Variants in ITGB8 observed in about 807,000 individuals in gnomAD.
The protein encoded by ITGB8 is integrin beta-8.
In ITGB8, 30 loss-of-function variants were observed where a neutral mutation model predicts 89.5. The ratio of observed to expected loss-of-function variants is 0.34; its 90% CI spans 0.25 to 0.45. The LOEUF (loss-of-function observed/expected upper bound fraction) is 0.45. Ranked by LOEUF, ITGB8 falls within the 20% of genes least tolerant of loss-of-function variation. The pLI, the probability that ITGB8 is intolerant of heterozygous loss-of-function variation, is 1.00. For synonymous variants in ITGB8, 335 were observed against 320.4 expected, an observed-to-expected ratio of 1.05 and a Z score of -0.49; for missense variants, 836 against 933.3, an observed-to-expected ratio of 0.90 and a Z score of 1.36.
intron 1 of ITGB8, among the ~76,000 whole-genome samples, chr7:20,339,604 AT>A (rs758041436): frequency 6.6e-6 from 1 of 152,254 alleles, no homozygotes; most frequent in African/African-American, 2.4e-5. Flanking sequence ...CTTAACTAAT[AT>A]TAGTTTAGGA....
chr7:20,350,268 C>G (rs1012181997), intron 1 of ITGB8, among the ~76,000 whole-genome samples: 44 of 152,152 alleles, frequency 2.9e-4, no homozygotes, highest in African/African-American at 9.7e-4. Flanking sequence ...CTGCCTCAGC[C>G]TCCTGAGTAG....
intron 1 of ITGB8, among the ~76,000 whole-genome samples, chr7:20,360,051 C>T (rs1785440816): frequency 6.6e-6 from 1 of 152,100 alleles, no homozygotes; most frequent in Non-Finnish European, 1.5e-5. Context: ...AGCCCTGGAA[C>T]CTGGGAAGTA....
intron 3 of ITGB8, among the ~76,000 whole-genome samples, chr7:20,368,556 C>A (rs1220911806): frequency 6.6e-6 from 1 of 152,106 alleles, no homozygotes; most frequent in East Asian, 1.9e-4. Flanking sequence ...TGTCTCCATA[C>A]AAATATGCCT....
intron 9 of ITGB8, among the ~76,000 whole-genome samples, chr7:20,400,903 T>C (rs550135537): frequency 3.9e-5 from 6 of 152,328 alleles, no homozygotes; most frequent in African/African-American, 1.4e-4. Flanking sequence ...GAAACTTTAC[T>C]TGGGCTCCTA....
Position 20,404,859 on chromosome 7 carries a change from ATTTC to A in ITGB8, c.1913+10_1913+13del, listed in dbSNP as rs778892814. ...ACAGCCTGCAAGGAAAACTGGTATG[ATTTC>A]TTTGACTCCAAACATACACAAAGAA... is the stretch of plus-strand genomic sequence containing the variant. On this transcript the variant is annotated splice_region_variant and intron_variant, in intron 11 of 13. Transcript: ENST00000222573. 1.9e-6 allele frequency: 3 copies of A among 1,611,854 alleles called. No individual in the cohort carries two copies. Among genetic ancestry groups the A allele is most frequent in the Non-Finnish European group, 2.5e-6 (3 of 1,178,026 alleles).
At chr7:20,374,172 G>C (rs1443395686) in intron 3 of ITGB8, among the ~76,000 whole-genome samples, 1 of 152,198 alleles carries the variant, frequency 6.6e-6, no homozygotes, top group African/African-American at 2.4e-5. Context: ...TCCTCTTAGA[G>C]AAACTCTGTG....
At chr7:20,401,577 A>T in intron 9 of ITGB8, 144 bp from the exon 10 acceptor site, 1 of 526,086 alleles carries the variant, frequency 1.9e-6, no homozygotes, top group Non-Finnish European at 3.2e-6. Flanking sequence ...CATATATATG[A>T]AAGAGATTAC....
chr7:20,372,708 G>A (rs577020527), intron 3 of ITGB8, among the ~76,000 whole-genome samples: 1 of 152,266 alleles, frequency 6.6e-6, no homozygotes, highest in South Asian at 2.1e-4. Flanking sequence ...TGTGGAGCTT[G>A]ATTTTATTAA....
chr7:20,374,756 T>C (rs894987691), intron 3 of ITGB8, among the ~76,000 whole-genome samples: 1 of 152,224 alleles, frequency 6.6e-6, no homozygotes, highest in Non-Finnish European at 1.5e-5. Context: ...AGCAGATTTG[T>C]CTTGCTAGAG....
chr7:20,397,727 TAAATAATATTTACTTTGAGA>T (rs1364987743), intron 8 of ITGB8, among the ~76,000 whole-genome samples: 4 of 152,236 alleles, frequency 2.6e-5, no homozygotes, highest in African/African-American at 9.6e-5. Context: ...TTACCTACTG[TAAATAATATTTACTTTGAGA>T]AATTAGAGGA....
intron 8 of ITGB8, among the ~76,000 whole-genome samples, 193 bp downstream of exon 8, chr7:20,395,178 T>G (rs1189809813): frequency 6.6e-6 from 1 of 152,244 alleles, no homozygotes; most frequent in Non-Finnish European, 1.5e-5. Flanking sequence ...TTCTGCTTTC[T>G]GTGCCTCACT....
intron 1 of ITGB8, among the ~76,000 whole-genome samples, chr7:20,358,050 C>T (rs1422811793): frequency 1.3e-5 from 2 of 152,138 alleles, no homozygotes; most frequent in Non-Finnish European, 2.9e-5. Flanking sequence ...ACTGCAACCT[C>T]CGCCTCCCGA....
chr7:20,360,915 C>CTTTTTT (rs1167974755), intron 1 of ITGB8, among the ~76,000 whole-genome samples: 2 of 80,886 alleles, frequency 2.5e-5, no homozygotes, highest in African/African-American at 4.2e-5. Context: ...CAACTGCAGT[C>CTTTTTT]TTTTTTTTTT....
chr7:20,332,928 T>C (rs2128123578), intron 1 of ITGB8, among the ~76,000 whole-genome samples: 1 of 151,336 alleles, frequency 6.6e-6, no homozygotes, highest in Non-Finnish European at 1.5e-5. Context: ...ATACTTTCTT[T>C]TTTTTTTTTT....
Position 20,414,956 on chromosome 7 carries a change from C to T in ITGB8, c.*4959C>T, listed in dbSNP as rs1787881922. The T allele has an allele frequency of 6.6e-6, 1 of 150,704 alleles. No individual in the cohort carries two copies. The allele number at this position is 150,704 out of a possible 1,614,324, so 9.3% of individuals were successfully genotyped here. ...TCAGGTTTCTAGCCTCTACAACCTA[C>T]TTCAGTTAAAATTGTCTAATACAGC... On this transcript the variant is annotated 3_prime_UTR_variant, in exon 14 of 14. Transcript: ENST00000222573.
At chr7:20,351,878 C>T (rs904571384) in intron 1 of ITGB8, among the ~76,000 whole-genome samples, 1 of 35,020 alleles carries the variant, frequency 2.9e-5, no homozygotes, top group Non-Finnish European at 4.9e-5. Flanking sequence ...ACATGAATAA[C>T]AGTGCTTTTT....
intron 3 of ITGB8, among the ~76,000 whole-genome samples, chr7:20,368,919 A>G (rs923376164): frequency 6.6e-6 from 1 of 152,304 alleles, no homozygotes; most frequent in African/African-American, 2.4e-5. Context: ...TAGCAAAACT[A>G]TAATCTAGGG....
At chr7:20,346,686 T>C in intron 1 of ITGB8, 2 of 985,288 alleles carry the variant, frequency 2.0e-6, no homozygotes, top group Non-Finnish European at 2.4e-6. Flanking sequence ...AACGTGGACT[T>C]TCTCTGGGTG....
intron 7 of ITGB8, among the ~76,000 whole-genome samples, chr7:20,392,141 G>C (rs1018807344): frequency 6.6e-6 from 1 of 151,994 alleles, no homozygotes; most frequent in Non-Finnish European, 1.5e-5. Flanking sequence ...CTGCAACCCT[G>C]TTATAGCTTT....
Sources: allele counts gnomAD v4.1 joint callset (sites outside exome capture counted in the v4.1 genomes callset), GRCh38; gene constraint gnomAD v4.1.1; transcripts MANE v1.5; gene names NCBI Gene and HGNC (gene_info 2026-07-23, HGNC 2026-07-21).